Variants in SLC35F4 observed in about 807,000 individuals in gnomAD.
SLC35F4 encodes solute carrier family 35 member F4.
In SLC35F4, 24 loss-of-function variants were observed where a neutral mutation model predicts 44.2. The observed-to-expected ratio is 0.54, with a 90% confidence interval of 0.39 to 0.76. The LOEUF is 0.76. Ranked by LOEUF, SLC35F4 falls within the 30% of genes least tolerant of loss-of-function variation. The pLI is 0.00. For missense variants in SLC35F4, 562 were observed against 586.1 expected, an observed-to-expected ratio of 0.96 and a Z score of 0.42; for synonymous variants, 238 against 223.6, an observed-to-expected ratio of 1.06 and a Z score of -0.57.
Position 57,951,335 on chromosome 14 carries a change from C to T in SLC35F4, n.282+30578G>A, listed in dbSNP as rs118050164. Among the ~76,000 whole-genome samples the T allele has an allele frequency of 0.02, 3,101 of 152,250 alleles. 340 individuals are homozygous for T. The East Asian group carries it at 0.35, about 17-fold the overall frequency. On this transcript the variant is annotated intron_variant and non_coding_transcript_variant, in intron 1 of 1. Transcript: ENST00000556568. ...GGGTGCCTACACCACCAGGGCCCTACGTTTCAAGCACAAAACTGGGTGGCT... is the reference window on the plus strand; with the variant it reads ...GGGTGCCTACACCACCAGGGCCCTATGTTTCAAGCACAAAACTGGGTGGCT...
At chr14:57,810,426 C>T (rs931561184) in intron 1 of SLC35F4, among the ~76,000 whole-genome samples, 1 of 152,298 alleles carries the variant, frequency 6.6e-6, no homozygotes, top group South Asian at 2.1e-4. Context: ...CATAATTTTA[C>T]TTTTTGTTTG....
At chr14:57,636,242 G>A (rs1370952443) in intron 1 of SLC35F4, among the ~76,000 whole-genome samples, 1 of 152,118 alleles carries the variant, frequency 6.6e-6, no homozygotes, top group East Asian at 1.9e-4. Flanking sequence ...GGAACAGCCC[G>A]ATGGGAACTG....
rs548145254 is a variant in SLC35F4, at chr14:57,643,147, GA to G, written c.104-49024del. 2.5e-4 allele frequency among the ~76,000 whole-genome samples: 36 copies of G among 145,860 alleles called. No homozygotes were observed. In the East Asian group the frequency reaches 3.0e-3, roughly 12 times the overall value. The stretch of plus-strand genomic sequence containing the variant: ...CAAACAAAAGTTTCAACCACCTTCA[GA>G]AAAAAAAAATAAAACACTTAAGCAA... On this transcript the variant is annotated intron_variant, in intron 1 of 7. Coordinates refer to ENST00000556826, the MANE Select transcript of SLC35F4 (RefSeq NM_001306087.2).
chr14:57,605,054 AG>A (rs1470978680), intron 1 of SLC35F4, among the ~76,000 whole-genome samples: 1 of 148,978 alleles, frequency 6.7e-6, no homozygotes, highest in Non-Finnish European at 1.5e-5. Context: ...TAGGCAAAGA[AG>A]TTACGGCTAA....
chr14:57,610,645 G>C (rs1284070292), intron 1 of SLC35F4, among the ~76,000 whole-genome samples: 1 of 152,134 alleles, frequency 6.6e-6, no homozygotes. Context: ...GTAGGAGCAT[G>C]GAAGACCATG....
At chr14:57,844,879 A>C (rs1459715817) in intron 1 of SLC35F4, among the ~76,000 whole-genome samples, 2 of 152,058 alleles carry the variant, frequency 1.3e-5, no homozygotes, top group East Asian at 3.9e-4. Context: ...CTTTGTTACT[A>C]GTAGAGGGGT....
chr14:57,686,771 T>A (rs1223923088), intron 1 of SLC35F4, among the ~76,000 whole-genome samples: 2 of 152,192 alleles, frequency 1.3e-5, no homozygotes, highest in Non-Finnish European at 2.9e-5. Context: ...GATCCCAACA[T>A]AATTTTTAAA....
At chr14:57,923,432 G>A (rs753579344) in intron 1 of SLC35F4, among the ~76,000 whole-genome samples, 16 of 152,210 alleles carry the variant, frequency 1.1e-4, no homozygotes, top group Non-Finnish European at 1.9e-4. Flanking sequence ...TGGTCACTCA[G>A]TCCTGAAGTG....
rs564824582 is a variant in SLC35F4, at chr14:57,770,542, GA to G, written c.103+95180del. Among the ~76,000 whole-genome samples, 7 of 152,170 alleles carry G rather than the reference GA, an allele frequency of 4.6e-5. No individual in the cohort carries two copies. In the South Asian group the frequency reaches 1.5e-3, roughly 32 times the overall value. On this transcript the variant is annotated intron_variant, in intron 1 of 7. Coordinates refer to ENST00000556826, the MANE Select transcript of SLC35F4 (RefSeq NM_001306087.2). ...ATAAAATCAAGCATTGTGAGGAGTG[GA>G]AAAAAAGACAAGGGCAGGGCTTAAA...
chr14:57,839,878 G>A (rs1414349099), intron 1 of SLC35F4, among the ~76,000 whole-genome samples: 5 of 152,098 alleles, frequency 3.3e-5, no homozygotes, highest in Non-Finnish European at 7.4e-5. Flanking sequence ...CCAGAGTTAA[G>A]AACTTTATCA....
intron 1 of SLC35F4, among the ~76,000 whole-genome samples, chr14:57,906,894 A>T (rs1337304678): frequency 6.6e-6 from 1 of 152,238 alleles, no homozygotes; most frequent in Non-Finnish European, 1.5e-5. Context: ...AGCTGTACAC[A>T]TTAAATGCTT....
At position 57,720,706 on chromosome 14, in the gene SLC35F4, T is replaced by C. The variant is rs570737657; in HGVS notation, c.104-126582A>G. On this transcript the variant is annotated intron_variant, in intron 1 of 7. Transcript: ENST00000556826. The stretch of plus-strand genomic sequence containing the variant: ...CAAAGGAGATGAGCATTTGAGTCAG[T>C]AGGCTGGGAAAGACAGACCCATTGT... Among the ~76,000 whole-genome samples the C allele has an allele frequency of 2.0e-5, 3 of 152,128 alleles. No individual in the cohort carries two copies. The East Asian group carries it at 5.8e-4, about 30-fold the overall frequency.
intron 1 of SLC35F4, among the ~76,000 whole-genome samples, chr14:57,722,866 C>G (rs1409472195): frequency 6.6e-6 from 1 of 152,140 alleles, no homozygotes; most frequent in Non-Finnish European, 1.5e-5. Context: ...AATTTCCAGA[C>G]TTGAGCTGGT....
Position 57,564,228 on chromosome 14 carries a change from C to T in SLC35F4, c.1365G>A (p.Lys455=). The stretch of plus-strand genomic sequence containing the variant: ...TCACATCATCCACATGCTCCTCACT[C>T]TTCTTTTCCTTCAGGCTGTTGATGA... ...LRFINSLKEK[K]SEEHVDDVTD... Residue 455 remains lysine (K), a synonymous_variant, in exon 8 of 8, where the codon AAG becomes AAA. Coordinates refer to ENST00000556826, the MANE Select transcript of SLC35F4 (RefSeq NM_001306087.2). 6.2e-6 allele frequency: 10 copies of T among 1,613,568 alleles called. No individual in the cohort carries two copies. The highest frequency in any genetic ancestry group is 8.5e-6 in the Non-Finnish European group (10 of 1,179,788).
At chr14:57,733,474 T>C (rs563993712) in intron 1 of SLC35F4, among the ~76,000 whole-genome samples, 2 of 150,838 alleles carry the variant, frequency 1.3e-5, no homozygotes, top group South Asian at 2.1e-4. Flanking sequence ...TAAATTTAGA[T>C]ATAGCCAGAA....
intron 1 of SLC35F4, among the ~76,000 whole-genome samples, chr14:57,755,569 A>T (rs1423802042): frequency 6.6e-6 from 1 of 152,192 alleles, no homozygotes; most frequent in African/African-American, 2.4e-5. Context: ...TAACACTGCT[A>T]TATTTTATGT....
rs532935701 is a variant in SLC35F4 at position 57,735,028 on chromosome 14, T to C, written c.103+130695A>G. Reference sequence around the variant, plus strand: ...TCTATATGGAGCCAGAGCTGTTTTTTTTTTAAGACTCCTTCCTAGCAATTC... The same window carrying C: ...TCTATATGGAGCCAGAGCTGTTTTTCTTTTAAGACTCCTTCCTAGCAATTC... On this transcript the variant is annotated intron_variant, in intron 1 of 7. Transcript: ENST00000556826. Among the ~76,000 whole-genome samples the C allele has an allele frequency of 1.1e-3, 171 of 152,302 alleles. 1 individual carries two copies. The highest frequency in any genetic ancestry group is 3.9e-3 in the African/African-American group (164 of 41,578).
intron 1 of SLC35F4, among the ~76,000 whole-genome samples, chr14:57,850,208 AACTGT>A (rs1265680414): frequency 6.6e-5 from 10 of 152,318 alleles, no homozygotes; most frequent in Admixed American, 4.6e-4. Flanking sequence ...CGTCAAGCAA[AACTGT>A]ACTTGGGGAG....
chr14:57,593,834 A>T, intron 2 of SLC35F4, 105 bp downstream of exon 2: 2 of 1,258,644 alleles, frequency 1.6e-6, no homozygotes, highest in Non-Finnish European at 2.2e-6. Context: ...ACATGTACTC[A>T]TAAGAGTCCG....
Sources: gnomAD v4.1 joint callset for allele counts (sites outside exome capture counted in the v4.1 genomes callset) on GRCh38, gnomAD v4.1.1 for gene constraint, MANE v1.5 for transcripts, NCBI Gene and HGNC (gene_info 2026-07-23, HGNC 2026-07-21) for gene names.